The following HECTD4 variants were observed in gnomAD, a reference collection of about 807,000 sequenced individuals.
The protein encoded by HECTD4 is HECT domain E3 ubiquitin protein ligase 4.
In HECTD4, 114 loss-of-function variants were observed where a neutral mutation model predicts 471.5. The observed-to-expected ratio is 0.24, with a 90% confidence interval of 0.21 to 0.28. The LOEUF (loss-of-function observed/expected upper bound fraction) is 0.28, where lower values mean the gene tolerates loss of function less well. HECTD4 is among the 10% of genes least tolerant of loss of function. The probability of loss-of-function intolerance (pLI) is 1.00; values close to 1 mark genes in which losing one functional copy is unlikely to be tolerated. For synonymous variants in HECTD4, 2,012 were observed against 2,256.0 expected, an observed-to-expected ratio of 0.89 and a Z score of 3.07; for missense variants, 3,866 against 5,651.5, an observed-to-expected ratio of 0.68 and a Z score of 10.13.
intron 4 of HECTD4, 58 bp downstream of exon 4, chr12:112,312,959 C>G (rs2035400502): frequency 6.9e-7 from 1 of 1,455,018 alleles, no homozygotes; most frequent in Admixed American, 2.0e-5. Flanking sequence ...CTACAGTGAT[C>G]TAAAACCTCT....
intron 1 of HECTD4, among the ~76,000 whole-genome samples, chr12:112,324,049 T>TTCCTTCCTTCCTTCCTTC (rs2035679196): frequency 1.8e-5 from 1 of 55,208 alleles, no homozygotes; most frequent in Non-Finnish European, 2.9e-5. Context: ...TTCCTTCCTT[T>TTCCTTCCTTCCTTCCTTC]CTTTCTTTCT....
At chr12:112,345,340 G>T (rs541996688) in intron 1 of HECTD4, among the ~76,000 whole-genome samples, 1 of 151,042 alleles carries the variant, frequency 6.6e-6, no homozygotes, top group South Asian at 2.1e-4. Flanking sequence ...ACAATGAAAC[G>T]ATATGAAAAC....
chr12:112,289,061 T>C (rs2034819046), intron 7 of HECTD4, among the ~76,000 whole-genome samples: 1 of 152,244 alleles, frequency 6.6e-6, no homozygotes, highest in Admixed American at 6.5e-5. Context: ...CATTCCATTT[T>C]GTTACATCAT....
At chr12:112,327,760 T>C (rs942479291) in intron 1 of HECTD4, among the ~76,000 whole-genome samples, 3 of 152,244 alleles carry the variant, frequency 2.0e-5, no homozygotes, top group African/African-American at 7.2e-5. Context: ...ATGCTTTCCT[T>C]ACATCAGTTC....
chr12:112,281,280 A>AG (rs1408461498), intron 8 of HECTD4, among the ~76,000 whole-genome samples: 2 of 152,098 alleles, frequency 1.3e-5, no homozygotes, highest in Admixed American at 6.5e-5. Context: ...TTTTAAAAAA[A>AG]AAAAGTACAA....
chr12:112,302,079 T>A (rs1794054932), intron 7 of HECTD4: 4 of 1,378,144 alleles, frequency 2.9e-6, no homozygotes, highest in Non-Finnish European at 4.1e-6. Flanking sequence ...GTGGTGCAGG[T>A]CTTCCTGTGG....
intron 1 of HECTD4, among the ~76,000 whole-genome samples, chr12:112,357,779 A>G (rs1407025763): frequency 6.6e-6 from 1 of 152,230 alleles, no homozygotes; most frequent in African/African-American, 2.4e-5. Flanking sequence ...GTTTTATGTT[A>G]CTTACAAAAT....
intron 7 of HECTD4, among the ~76,000 whole-genome samples, chr12:112,293,978 C>G (rs1166871457): frequency 6.6e-6 from 1 of 152,192 alleles, no homozygotes; most frequent in Non-Finnish European, 1.5e-5. Flanking sequence ...TAGCTCACTA[C>G]AGCCTTGACC....
At chr12:112,360,502 T>A (rs2036429808) in intron 1 of HECTD4, among the ~76,000 whole-genome samples, 1 of 152,188 alleles carries the variant, frequency 6.6e-6, no homozygotes, top group African/African-American at 2.4e-5. Context: ...AGTACCTTGA[T>A]CTTATATCTC....
At position 112,184,396 on chromosome 12, in the gene HECTD4, G is replaced by A; in HGVS notation, c.10570C>T (p.Leu3524=). ...CTGGACACCGCGTGGGGCTCCAACA[G>A]GCCCGGAGGGATGGGCAGCTCGAGG... is the stretch of plus-strand genomic sequence containing the variant. ...AGLELPIPPG[L]LEPHAVSSQE... The change falls in exon 61 of 76, where the codon CTG becomes TTG. Residue 3524 remains leucine (L), a synonymous_variant. Transcript: ENST00000682272. This position sits in a 1 kb window ranked among gnomAD's most constrained non-coding sequence, Gnocchi z 9.1. 2 of 1,608,538 alleles carry A rather than the reference G, an allele frequency of 1.2e-6. No homozygotes were observed. Among genetic ancestry groups the A allele is most frequent in the Non-Finnish European group, 8.5e-7 (1 of 1,178,212 alleles).
intron 67 of HECTD4, among the ~76,000 whole-genome samples, chr12:112,171,515 T>C (rs2031220194): frequency 6.6e-6 from 1 of 152,246 alleles, no homozygotes; most frequent in South Asian, 2.1e-4. Context: ...CTCATCTACC[T>C]TCAGGGCCAT....
chr12:112,168,924 C>A (rs1344348155), intron 70 of HECTD4, among the ~76,000 whole-genome samples: 2 of 152,198 alleles, frequency 1.3e-5, no homozygotes, highest in East Asian at 3.9e-4. Context: ...TGGGAGGCAG[C>A]TGCGTTCCCG....
At chr12:112,187,691 A>G (rs1416228736) in intron 60 of HECTD4, among the ~76,000 whole-genome samples, 8 of 126,016 alleles carry the variant, frequency 6.3e-5, no homozygotes, top group African/African-American at 9.5e-5. Flanking sequence ...CCGTGGTGCC[A>G]TCTCGGCTCA....
In HECTD4 at chr12:112,250,259, C is replaced by A; in HGVS notation, c.3835G>T (p.Val1279Leu). The change falls in exon 25 of 76, where the codon GTG becomes TTG. Residue 1279 changes from valine to leucine, a missense_variant. By Grantham distance (32) the Val-to-Leu change is conservative. Coordinates refer to ENST00000682272, the MANE Select transcript of HECTD4 (RefSeq NM_001388303.1). Reference sequence around the variant, plus strand: ...TCAAAGTAGTTTCCAACAGGAGGCACGAGGACATCAGAGGGGTAGGTGAAT... The same window carrying A: ...TCAAAGTAGTTTCCAACAGGAGGCAAGAGGACATCAGAGGGGTAGGTGAAT... ...REFTYPSDVL[V>L]PPVGNYFDLP... 1 of 1,613,898 alleles carries A rather than the reference C, an allele frequency of 6.2e-7. No homozygotes were observed. The highest frequency in any genetic ancestry group is 8.5e-7 in the Non-Finnish European group (1 of 1,179,830).
chr12:112,247,964 A>T (rs977838059), intron 27 of HECTD4, 103 bp downstream of exon 27: 156 of 749,066 alleles, frequency 2.1e-4, no homozygotes, highest in Non-Finnish European at 2.7e-4. Flanking sequence ...TTAGGAAATG[A>T]CATTATTTTA....
chr12:112,175,720 G>A lies in HECTD4; in HGVS notation c.11594+16C>T, dbSNP rs1284732356. ...CTATGCAAGGTGCCAACTGAGTCGA[G>A]GGGTAACCCTCTTACCTCTCAAAGT... On this transcript the variant is annotated intron_variant, in intron 66 of 75. Coordinates refer to ENST00000682272, the MANE Select transcript of HECTD4 (RefSeq NM_001388303.1). The A allele has an allele frequency of 4.3e-6, 7 of 1,609,986 alleles. No homozygotes were observed. Among genetic ancestry groups the A allele is most frequent in the Non-Finnish European group, 5.9e-6 (7 of 1,178,064 alleles).
chr12:112,183,303 C>T, intron 61 of HECTD4, 37 bp from the exon 62 acceptor site: 1 of 1,511,894 alleles, frequency 6.6e-7, no homozygotes, highest in Non-Finnish European at 9.2e-7. Context: ...ATTTGAGTAG[C>T]TTGACCAGTC....
At position 112,258,574 on chromosome 12, in the gene HECTD4, T is replaced by G; in HGVS notation, c.3050A>C (p.Gln1017Pro). The G allele has an allele frequency of 6.2e-7, 1 of 1,605,128 alleles. No individual in the cohort carries two copies. Among genetic ancestry groups the G allele is most frequent in the South Asian group, 1.1e-5 (1 of 89,724 alleles). ...GCCCACCTCAGCAAAAACCGGACAC[T>G]GGGTTTTAAGCAGCAACGCCGTCTG... Reference protein sequence around the residue: ...TSQTALLLKTQCPVFAEVGCS... With the variant: ...TSQTALLLKTPCPVFAEVGCS... The change falls in exon 20 of 76, where the codon CAG becomes CCG. Residue 1017 changes from glutamine (Q) to proline (P), a missense_variant. Gln to Pro is a moderately conservative substitution (Grantham distance 76). Around this residue, in one of 16 missense-constraint regions of HECTD4, gnomAD observed 525 missense variants for 672.6 expected, o/e 0.78. Coordinates refer to ENST00000682272, the MANE Select transcript of HECTD4 (RefSeq NM_001388303.1).
In HECTD4 at chr12:112,303,480, G is replaced by A. The variant is rs192104528; in HGVS notation, c.1335+2584C>T. ...TAGAGTTCATAAAGAAGAAATAAAG[G>A]TTTAACTGTAAATTACAAAGATAAC... On this transcript the variant is annotated intron_variant, in intron 7 of 75. Transcript: ENST00000682272. Among the ~76,000 whole-genome samples the A allele has an allele frequency of 4.4e-4, 67 of 152,300 alleles. 1 individual carries two copies. Among genetic ancestry groups the A allele is most frequent in the Middle Eastern group, 3.4e-3 (1 of 294 alleles).
Sources: gnomAD v4.1 joint callset for allele counts (sites outside exome capture counted in the v4.1 genomes callset) on GRCh38, gnomAD v4.1.1 for gene constraint, gnomAD v4.1.1 regional missense constraint, Gnocchi (gnomAD v3.1) non-coding constraint, MANE v1.5 for transcripts, NCBI Gene and HGNC (gene_info 2026-07-23, HGNC 2026-07-21) for gene names.